Variants in ZDHHC14 observed in about 807,000 individuals in gnomAD.
The protein encoded by ZDHHC14 is palmitoyltransferase ZDHHC14.
A neutral mutation model predicts 47.7 loss-of-function variants in ZDHHC14; 16 were observed. The observed-to-expected ratio is 0.34, with a 90% CI of 0.23 to 0.51. ZDHHC14 has a LOEUF of 0.51. ZDHHC14 is among the 20% of genes least tolerant of loss of function. ZDHHC14 has a pLI of 0.97. For missense variants in ZDHHC14, 515 were observed against 662.5 expected (o/e 0.78, Z 2.44); for synonymous variants, 293 against 278.9 (o/e 1.05, Z -0.50).
At chr6:157,648,264 C>T (rs1403660753) in intron 7 of ZDHHC14, among the ~76,000 whole-genome samples, 1 of 152,216 alleles carries the variant, frequency 6.6e-6, no homozygotes, top group Non-Finnish European at 1.5e-5. Context: ...ATTACTGCTT[C>T]CTACCTTTTG....
chr6:157,536,681 G>T (rs1014479128), intron 1 of ZDHHC14, among the ~76,000 whole-genome samples: 2 of 152,138 alleles, frequency 1.3e-5, no homozygotes, highest in African/African-American at 2.4e-5. Flanking sequence ...ATTCTAACCT[G>T]TAAGCCAGTC....
chr6:157,619,973 C>G (rs17165457), intron 3 of ZDHHC14, among the ~76,000 whole-genome samples: 10,794 of 152,134 alleles, frequency 0.071, 1,194 homozygotes, highest in African/African-American at 0.24. Flanking sequence ...GATTTTGTTT[C>G]TTCATACAAT....
At chr6:157,498,694 T>C (rs1474939667) in intron 1 of ZDHHC14, among the ~76,000 whole-genome samples, 7 of 152,254 alleles carry the variant, frequency 4.6e-5, no homozygotes, top group Admixed American at 4.6e-4. Context: ...GAAACAGATG[T>C]TAGCACCTTA....
chr6:157,647,579 G>C (rs1398501509), intron 7 of ZDHHC14, among the ~76,000 whole-genome samples: 2 of 152,198 alleles, frequency 1.3e-5, no homozygotes, highest in Non-Finnish European at 2.9e-5. Flanking sequence ...ATCTGTGTCT[G>C]ATTGGGGGGA....
chr6:157,522,931 TTC>T (rs1239434728), intron 1 of ZDHHC14, among the ~76,000 whole-genome samples: 2 of 59,396 alleles, frequency 3.4e-5, no homozygotes, highest in Non-Finnish European at 6.0e-5. Context: ...CTTTCTTTCT[TTC>T]TTTCTTTCTT....
chr6:157,486,927 T>G (rs1383097421), intron 1 of ZDHHC14, among the ~76,000 whole-genome samples: 2 of 152,216 alleles, frequency 1.3e-5, no homozygotes, highest in Non-Finnish European at 2.9e-5. Flanking sequence ...GAGGCACCTA[T>G]GGCAGTGGCT....
intron 1 of ZDHHC14, among the ~76,000 whole-genome samples, chr6:157,423,427 G>T (rs1583632206): frequency 6.6e-6 from 1 of 152,094 alleles, no homozygotes; most frequent in African/African-American, 2.4e-5. Flanking sequence ...TGCAAATGAG[G>T]TATAATAACA....
rs528930689 is a variant in ZDHHC14, at chr6:157,660,124, T to A, written c.1068+6497T>A. 2.6e-5 allele frequency among the ~76,000 whole-genome samples: 4 copies of A among 152,096 alleles called. 1 individual carries two copies. In the South Asian group the frequency reaches 8.4e-4, roughly 32 times the overall value. Reference sequence around the variant, plus strand: ...GAAACTGAGACTTGGATATGTTGAGTAACTCGCTCACAGTCACACAGCTAG... The same window carrying A: ...GAAACTGAGACTTGGATATGTTGAGAAACTCGCTCACAGTCACACAGCTAG... On this transcript the variant is annotated intron_variant, in intron 8 of 8. Transcript: ENST00000359775.
At chr6:157,489,301 C>T (rs963751447) in intron 1 of ZDHHC14, among the ~76,000 whole-genome samples, 1 of 152,172 alleles carries the variant, frequency 6.6e-6, no homozygotes, top group African/African-American at 2.4e-5. Flanking sequence ...CAAACTCATG[C>T]GCAATCACTT....
intron 2 of ZDHHC14, among the ~76,000 whole-genome samples, chr6:157,583,914 C>A (rs902308067): frequency 8.2e-6 from 1 of 121,644 alleles, no homozygotes; most frequent in African/African-American, 3.1e-5. Flanking sequence ...TTGCGATTGG[C>A]CTGGGATGGG....
intron 1 of ZDHHC14, among the ~76,000 whole-genome samples, chr6:157,401,439 A>C (rs766375428): frequency 6.6e-6 from 1 of 152,264 alleles, no homozygotes; most frequent in Non-Finnish European, 1.5e-5. Context: ...ATAGACGAAG[A>C]AACTGAGGCC....
At chr6:157,406,914 G>T (rs959891179) in intron 1 of ZDHHC14, among the ~76,000 whole-genome samples, 5 of 152,208 alleles carry the variant, frequency 3.3e-5, no homozygotes, top group Non-Finnish European at 5.9e-5. Context: ...CAGAGAGGCA[G>T]TGAGAAGGGG....
chr6:157,618,879 T>C (rs947661049), intron 3 of ZDHHC14, among the ~76,000 whole-genome samples: 1 of 152,256 alleles, frequency 6.6e-6, no homozygotes, highest in African/African-American at 2.4e-5. Flanking sequence ...TCCTCATTTC[T>C]ACTCACTTGT....
intron 1 of ZDHHC14, among the ~76,000 whole-genome samples, chr6:157,486,981 GT>G (rs1779796173): frequency 6.6e-6 from 1 of 152,236 alleles, no homozygotes; most frequent in Non-Finnish European, 1.5e-5. Flanking sequence ...ATTGGTAGGT[GT>G]TAGCAGCACT....
At chr6:157,625,964 C>G (rs1785393313) in intron 3 of ZDHHC14, among the ~76,000 whole-genome samples, 1 of 152,198 alleles carries the variant, frequency 6.6e-6, no homozygotes, top group South Asian at 2.1e-4. Flanking sequence ...GAGCAACTGT[C>G]TCGTCCGCAT....
chr6:157,491,653 T>C (rs1182791060), intron 1 of ZDHHC14, among the ~76,000 whole-genome samples: 3 of 152,224 alleles, frequency 2.0e-5, no homozygotes, highest in Non-Finnish European at 4.4e-5. Flanking sequence ...AAGCAAAGGC[T>C]CAAATCAGCT....
At chr6:157,669,927 C>T (rs1778719020) in intron 8 of ZDHHC14, among the ~76,000 whole-genome samples, 1 of 152,254 alleles carries the variant, frequency 6.6e-6, no homozygotes, top group South Asian at 2.1e-4. Context: ...CGGTGATGTT[C>T]ATAAAACATT....
chr6:157,417,822 C>T (rs1320506734), intron 1 of ZDHHC14, among the ~76,000 whole-genome samples: 2 of 151,994 alleles, frequency 1.3e-5, no homozygotes, highest in East Asian at 1.9e-4. Flanking sequence ...GGCGTGGTTG[C>T]GGGTGCCTGT....
chr6:157,395,553 T>C (rs1163594351), intron 1 of ZDHHC14, among the ~76,000 whole-genome samples: 1 of 151,420 alleles, frequency 6.6e-6, no homozygotes, highest in Non-Finnish European at 1.5e-5. Context: ...CCTAGCACTT[T>C]GGGAGGCCAA....
Sources: allele counts gnomAD v4.1 joint callset (sites outside exome capture counted in the v4.1 genomes callset), GRCh38; gene constraint gnomAD v4.1.1; transcripts MANE v1.5; gene names NCBI Gene and HGNC (gene_info 2026-07-23, HGNC 2026-07-21).